Variants in EIF4E2 observed in about 807,000 individuals in gnomAD.
EIF4E2 encodes the protein eukaryotic translation initiation factor 4E type 2.
EIF4E2 carries 13 observed loss-of-function variants against 34.2 expected under a neutral mutation model. The ratio of observed to expected loss-of-function variants is 0.38; its 90% confidence interval spans 0.25 to 0.60. The LOEUF (loss-of-function observed/expected upper bound fraction) is 0.60, where lower values mean the gene tolerates loss of function less well. Among genes scored for constraint, EIF4E2 ranks in the 20% least tolerant of loss-of-function variants. The pLI is 0.62. For synonymous variants in EIF4E2, 100 were observed against 106.6 expected, an observed-to-expected ratio of 0.94 and a Z score of 0.38; for missense variants, 222 against 315.1, an observed-to-expected ratio of 0.70 and a Z score of 2.24.
intron 3 of EIF4E2, among the ~76,000 whole-genome samples, chr2:232,563,856 C>T (rs1692815578): frequency 6.6e-6 from 1 of 152,160 alleles, no homozygotes; most frequent in African/African-American, 2.4e-5. Flanking sequence ...GGCTGTGTGA[C>T]ACTTACATAC....
At chr2:232,573,795 T>C, downstream of EIF4E2, 1 of 316,658 alleles carries the variant, frequency 3.2e-6, no homozygotes, top group Non-Finnish European at 6.2e-6. Flanking sequence ...CTTTCCTCCT[T>C]GCATCTTTAG....
chr2:232,567,253 C>CTTAG, intron 6 of EIF4E2, 39 bp downstream of exon 6: 1 of 1,612,252 alleles, frequency 6.2e-7, no homozygotes, highest in Non-Finnish European at 8.5e-7. Context: ...TGTCCCTAAG[C>CTTAG]TTAGTATAAG....
At chr2:232,574,300 G>A (rs772325869) in intron 6 of EIF4E2, 23 of 1,550,512 alleles carry the variant, frequency 1.5e-5, no homozygotes, top group Admixed American at 2.0e-5. Context: ...GAACAGCAGC[G>A]GCCGCTGATC....
intron 2 of EIF4E2, 183 bp downstream of exon 2, chr2:232,556,713 C>T (rs544405247): frequency 1.8e-6 from 1 of 557,078 alleles, no homozygotes; most frequent in African/African-American, 1.9e-5. Context: ...GAACTTTTCT[C>T]TTGCCACAGA....
At chr2:232,561,921 T>C (rs781087353) in intron 3 of EIF4E2, among the ~76,000 whole-genome samples, 20 of 152,096 alleles carry the variant, frequency 1.3e-4, no homozygotes, top group Non-Finnish European at 2.6e-4. Flanking sequence ...TAAAGTTTAA[T>C]AATATTTCTC....
chr2:232,556,653 T>G (rs911961687), intron 2 of EIF4E2, 123 bp downstream of exon 2: 1 of 706,606 alleles, frequency 1.4e-6, no homozygotes, highest in African/African-American at 1.8e-5. Flanking sequence ...ATATCTGACT[T>G]TGTTCTCAGA....
At chr2:232,575,304 G>A (rs1309890182) in intron 6 of EIF4E2, among the ~76,000 whole-genome samples, 2 of 84,424 alleles carry the variant, frequency 2.4e-5, no homozygotes, top group Admixed American at 1.9e-4. Flanking sequence ...CAGGGCCTGA[G>A]AGCTCAGGGG....
At position 232,581,774 on chromosome 2, in the gene EIF4E2, T is replaced by C. The variant is rs1342160135; in HGVS notation, c.*831T>C. 1.3e-5 allele frequency: 2 copies of C among 152,678 alleles called. No homozygotes were observed. The highest frequency in any genetic ancestry group is 4.8e-5 in the African/African-American group (2 of 41,456). 9.5% of individuals were successfully genotyped at this position (152,678 alleles called of 1,614,324 possible). On this transcript the variant is annotated 3_prime_UTR_variant, in exon 7 of 7. Transcript: ENST00000409098. This position sits in a 1 kb window ranked among gnomAD's most constrained non-coding sequence, Gnocchi z 5.2. Reference sequence around the variant, plus strand: ...AGCAGACCCTGTGTGTCAGGCCTGTTTCCCATATGAGCAGAGCCTGTGTGC... The same window carrying C: ...AGCAGACCCTGTGTGTCAGGCCTGTCTCCCATATGAGCAGAGCCTGTGTGC...
At chr2:232,554,830 C>T (rs889487887) in intron 1 of EIF4E2, among the ~76,000 whole-genome samples, 12 of 152,194 alleles carry the variant, frequency 7.9e-5, no homozygotes, top group African/African-American at 2.4e-4. Context: ...ATGGCTGCCC[C>T]AGCTCCTGAG....
At chr2:232,568,475 T>C in intron 6 of EIF4E2, 2 of 985,250 alleles carry the variant, frequency 2.0e-6, no homozygotes, top group Non-Finnish European at 2.4e-6. Context: ...TATTCTCTAT[T>C]CTGGGATAGA....
intron 3 of EIF4E2, among the ~76,000 whole-genome samples, chr2:232,564,029 C>T (rs772966422): frequency 6.6e-6 from 1 of 152,172 alleles, no homozygotes; most frequent in Non-Finnish European, 1.5e-5. Flanking sequence ...TCTTGAATTG[C>T]GAATGTTACA....
At chr2:232,567,358 A>G (rs1692970994) in intron 6 of EIF4E2, 144 bp downstream of exon 6, 2 of 1,459,008 alleles carry the variant, frequency 1.4e-6, no homozygotes, top group Non-Finnish European at 9.0e-7. Flanking sequence ...GCTTCTGGCT[A>G]CTTGCTGCAG....
chr2:232,559,155 T>A (rs13431035), intron 3 of EIF4E2, among the ~76,000 whole-genome samples: 2,158 of 151,346 alleles, frequency 0.014, 48 homozygotes, highest in African/African-American at 0.049. Flanking sequence ...CGCACCAGCA[T>A]GGCACATGTA....
At chr2:232,567,885 G>T in intron 6 of EIF4E2, 11 of 985,496 alleles carry the variant, frequency 1.1e-5, no homozygotes, top group Non-Finnish European at 1.3e-5. Flanking sequence ...GTGAAAAAGT[G>T]TGGGGAGTGG....
At position 232,556,339 on chromosome 2, in the gene EIF4E2, G is replaced by A. The variant is rs535392776; in HGVS notation, c.21-77G>A. ...CTTTGGGTTGGTTACATAGTAGTTC[G>A]TATGACCTGGTGGCTTTGTTAGGTA... On this transcript the variant is annotated intron_variant, in intron 1 of 6. Coordinates refer to ENST00000258416, the MANE Select transcript of EIF4E2 (RefSeq NM_004846.4). 4.1e-3 allele frequency: 4,886 copies of A among 1,194,180 alleles called. 24 individuals carry two copies. Among genetic ancestry groups the A allele is most frequent in the Non-Finnish European group, 5.2e-3 (4,244 of 819,084 alleles). 74.0% of individuals were successfully genotyped at this position (1,194,180 alleles called of 1,614,324 possible). A position where few individuals can be genotyped will look rare whatever the true frequency, so the allele number is the denominator to read the frequency against.
At chr2:232,572,667 G>A (rs957624248), downstream of EIF4E2, among the ~76,000 whole-genome samples, 1 of 152,174 alleles carries the variant, frequency 6.6e-6, no homozygotes, top group East Asian at 1.9e-4. Flanking sequence ...CGGCTGTGAG[G>A]AAATTTCTTA....
At chr2:232,552,996 A>G (rs920464422) in intron 1 of EIF4E2, among the ~76,000 whole-genome samples, 6 of 152,332 alleles carry the variant, frequency 3.9e-5, no homozygotes, top group African/African-American at 9.6e-5. Context: ...TCTTAAGGAC[A>G]TGTTCCAGTT....
downstream of EIF4E2, chr2:232,573,764 T>C (rs973806837): frequency 1.8e-5 from 5 of 285,390 alleles, no homozygotes; most frequent in African/African-American, 8.8e-5. Flanking sequence ...GTCGGAAATA[T>C]GAAAACAGAG....
chr2:232,566,972 C>T lies in EIF4E2; in HGVS notation c.519C>T (p.Val173=), dbSNP rs759408152. Residue 173 remains valine (V), a synonymous_variant, in exon 5 of 7, where the codon GTC becomes GTT. Transcript: ENST00000258416. This position sits in a 1 kb window ranked among gnomAD's most constrained non-coding sequence, Gnocchi z 4.9. The part of the protein sequence containing the change: ...GEEICGAVVS[V]RFQEDIISIW... ...AGATCTGTGGGGCTGTGGTGTCTGT[C>T]CGCTTTCAGGTAAGCCACCCATGAG... The T allele has an allele frequency of 1.9e-6, 3 of 1,593,882 alleles. No individual in the cohort carries two copies. The highest frequency in any genetic ancestry group is 1.1e-5 in the South Asian group (1 of 87,516).
Sources: gnomAD v4.1 joint callset for allele counts (sites outside exome capture counted in the v4.1 genomes callset) on GRCh38, gnomAD v4.1.1 for gene constraint, Gnocchi (gnomAD v3.1) non-coding constraint, MANE v1.5 for transcripts, NCBI Gene and HGNC (gene_info 2026-07-23, HGNC 2026-07-21) for gene names.